ADCY10: variants seen among roughly 807,000 people sequenced by gnomAD.
ADCY10 encodes the protein adenylate cyclase 10.
Under a neutral mutation model 183.3 loss-of-function variants are expected in ADCY10, and 156 were observed. The observed-to-expected ratio is 0.85, with a 90% CI of 0.75 to 0.97. The LOEUF is 0.97. Among genes scored for constraint, ADCY10 ranks in the 50% least tolerant of loss-of-function variants. ADCY10 has a pLI of 0.00. For synonymous variants in ADCY10, 645 were observed against 670.0 expected (o/e 0.96, Z 0.58); for missense variants, 1,745 against 1,934.3 (o/e 0.90, Z 1.84).
Position 167,897,502 on chromosome 1 carries a change from A to T in ADCY10, c.643-811T>A, listed in dbSNP as rs558068176. 7.9e-4 allele frequency among the ~76,000 whole-genome samples: 103 copies of T among 130,154 alleles called. 3 individuals are homozygous for T. Among genetic ancestry groups the T allele is most frequent in the African/African-American group, 2.6e-3 (78 of 30,426 alleles). 85.4% of individuals were successfully genotyped at this position (130,154 alleles called of 152,430 possible). On this transcript the variant is annotated intron_variant, in intron 6 of 32. Transcript: ENST00000367851. Reference sequence around the variant, plus strand: ...ACAGAGTAAGATTCCATCTCAAAAAAAAATATATATATATGTATATATATA... The same window carrying T: ...ACAGAGTAAGATTCCATCTCAAAAATAAATATATATATATGTATATATATA...
Position 167,834,194 on chromosome 1 carries a change from C to T in ADCY10, c.3310-117G>A, listed in dbSNP as rs12069151. ...ATGCAGGAGCCATTTCAGTTACCAC[C>T]TCCACTTCCATCCCCAGCTCCACTG... On this transcript the variant is annotated intron_variant, in intron 23 of 32. Coordinates refer to ENST00000367851, the MANE Select transcript of ADCY10 (RefSeq NM_018417.6). 0.065 allele frequency: 49,336 copies of T among 761,206 alleles called. 2,072 individuals carry two copies. The highest frequency in any genetic ancestry group is 0.14 in the South Asian group (9,318 of 68,404). 47.2% of individuals were successfully genotyped at this position (761,206 alleles called of 1,614,324 possible).
Position 167,845,872 on chromosome 1 carries a change from GT to G in ADCY10, c.2717-20del, listed in dbSNP as rs765994664. The G allele has an allele frequency of 2.0e-5, 33 of 1,613,934 alleles. No individual in the cohort carries two copies. The highest frequency in any genetic ancestry group is 2.6e-5 in the Non-Finnish European group (31 of 1,180,030). On this transcript the variant is annotated intron_variant, in intron 20 of 32. Coordinates refer to ENST00000367851, the MANE Select transcript of ADCY10 (RefSeq NM_018417.6). ...CCGTGATCTGGAGAGAGCAAAAAGG[GT>G]TTTTCAGCCAGGCAGTGGGCAACAG...
intron 1 of ADCY10, among the ~76,000 whole-genome samples, chr1:167,911,995 C>G (rs1162875434): frequency 3.3e-5 from 5 of 152,142 alleles, no homozygotes; most frequent in African/African-American, 4.8e-5. Context: ...AAATAAATAT[C>G]TGGGAGTTTC....
rs79690448 is a variant in ADCY10 at position 167,885,446 on chromosome 1, C to T, written c.829-1818G>A. Among the ~76,000 whole-genome samples the T allele has an allele frequency of 4.7e-3, 717 of 152,192 alleles. 9 individuals carry two copies. In the East Asian group the frequency reaches 0.059, roughly 12 times the overall value. ...TCCCTTTTTTCCACATCCTGTCCAGCGTTTGTTATTGCCTGTCTTTTGGAT... is the reference window on the plus strand; with the variant it reads ...TCCCTTTTTTCCACATCCTGTCCAGTGTTTGTTATTGCCTGTCTTTTGGAT... On this transcript the variant is annotated intron_variant, in intron 8 of 32. Transcript: ENST00000367851.
In ADCY10 at chr1:167,878,636, CTA is replaced by C; in HGVS notation, c.1217-3_1217-2del. The C allele has an allele frequency of 6.2e-7, 1 of 1,613,734 alleles. No individual in the cohort carries two copies. The highest frequency in any genetic ancestry group is 1.7e-4 in the Middle Eastern group (1 of 5,924). On this transcript the variant is annotated splice_acceptor_variant and splice_polypyrimidine_tract_variant and intron_variant, in intron 11 of 32. Transcript: ENST00000367851. LOFTEE classifies it high-confidence loss of function. Reference sequence around the variant, plus strand: ...GCTAAGTTGACTTTTTGACCAATGACTATAGCAAGAAAGAGAAAGTCAAAGAT... The same window carrying C: ...GCTAAGTTGACTTTTTGACCAATGACTAGCAAGAAAGAGAAAGTCAAAGAT...
chr1:167,870,531 T>G (rs1311157589), intron 13 of ADCY10, 121 bp from the exon 14 acceptor site: 1 of 856,246 alleles, frequency 1.2e-6, no homozygotes, highest in Non-Finnish European at 1.8e-6. Context: ...TGTGGCTCAC[T>G]CCTGTAATCC....
At chr1:167,829,639 G>A (rs1396479969) in intron 25 of ADCY10, among the ~76,000 whole-genome samples, 2 of 152,162 alleles carry the variant, frequency 1.3e-5, no homozygotes, top group African/African-American at 4.8e-5. Context: ...ACTTTATAAT[G>A]ATTAAGATAA....
chr1:167,866,820 T>C (rs1006525107), intron 14 of ADCY10, among the ~76,000 whole-genome samples: 1 of 150,542 alleles, frequency 6.6e-6, no homozygotes, highest in Admixed American at 6.6e-5. Flanking sequence ...ACCCAGACTG[T>C]AGGGCTCTGG....
chr1:167,900,780 C>T (rs558966604), intron 5 of ADCY10, among the ~76,000 whole-genome samples: 2 of 152,186 alleles, frequency 1.3e-5, no homozygotes, highest in Non-Finnish European at 2.9e-5. Context: ...GATCCACCCA[C>T]CTTGGCCTCC....
At chr1:167,826,673 G>A (rs963673966) in intron 26 of ADCY10, among the ~76,000 whole-genome samples, 2 of 152,220 alleles carry the variant, frequency 1.3e-5, no homozygotes, top group African/African-American at 4.8e-5. Context: ...ATGTGAACAA[G>A]ACAGCTGAAG....
chr1:167,899,347 G>T, intron 6 of ADCY10, 76 bp downstream of exon 6: 2 of 1,423,122 alleles, frequency 1.4e-6, no homozygotes, highest in Non-Finnish European at 9.9e-7. Flanking sequence ...AAACCAGCGT[G>T]CCCAGTGACT....
At chr1:167,851,876 AT>A (rs1314667538) in intron 18 of ADCY10, among the ~76,000 whole-genome samples, 4 of 152,082 alleles carry the variant, frequency 2.6e-5, no homozygotes, top group Admixed American at 1.3e-4. Flanking sequence ...CCATATCCCA[AT>A]TTTGTGAATT....
intron 19 of ADCY10, among the ~76,000 whole-genome samples, chr1:167,846,551 AGT>A (rs1322213222): frequency 6.6e-6 from 1 of 152,156 alleles, no homozygotes; most frequent in Non-Finnish European, 1.5e-5. Flanking sequence ...AAGTGTGACA[AGT>A]GTGTGTGAGG....
intron 9 of ADCY10, among the ~76,000 whole-genome samples, chr1:167,882,138 A>G (rs1667905473): frequency 1.3e-5 from 2 of 152,350 alleles, no homozygotes; most frequent in African/African-American, 4.8e-5. Context: ...CAATTCTCAC[A>G]TATGCATCTG....
At chr1:167,890,889 A>C (rs1668538942) in intron 8 of ADCY10, among the ~76,000 whole-genome samples, 1 of 152,202 alleles carries the variant, frequency 6.6e-6, no homozygotes, top group African/African-American at 2.4e-5. Flanking sequence ...AGCTTTCCCA[A>C]GGTCACATAA....
intron 1 of ADCY10, among the ~76,000 whole-genome samples, chr1:167,907,117 C>T (rs911341655): frequency 1.3e-5 from 2 of 152,166 alleles, no homozygotes; most frequent in African/African-American, 4.8e-5. Context: ...CATATATCTA[C>T]AGATACTGAA....
chr1:167,824,318 G>C (rs1663117294), intron 28 of ADCY10, among the ~76,000 whole-genome samples, 158 bp downstream of exon 28: 1 of 152,050 alleles, frequency 6.6e-6, no homozygotes, highest in Admixed American at 6.6e-5. Flanking sequence ...GCAAGACTCT[G>C]TCTGAAAAAA....
chr1:167,866,016 G>A lies in ADCY10; in HGVS notation c.1616+4241C>T, dbSNP rs111755474. On this transcript the variant is annotated intron_variant, in intron 14 of 32. Coordinates refer to ENST00000367851, the MANE Select transcript of ADCY10 (RefSeq NM_018417.6). ...TTCACTTCATGTCTCTCACCACAGA[G>A]AGGAAACTTAGGATTCCTTGGAGAC... Among the ~76,000 whole-genome samples, 697 of 152,350 alleles carry A rather than the reference G, an allele frequency of 4.6e-3. 5 individuals are homozygous for A. Among genetic ancestry groups the A allele is most frequent in the Non-Finnish European group, 7.1e-3 (484 of 68,038 alleles).
At chr1:167,880,241 C>T (rs764288065) in intron 10 of ADCY10, 50 bp from the exon 11 acceptor site, 16 of 1,496,124 alleles carry the variant, frequency 1.1e-5, no homozygotes, top group Admixed American at 5.3e-5. Context: ...AGATAATGAG[C>T]GTAGAGAAAG....
Sources: gnomAD v4.1 joint callset for allele counts (sites outside exome capture counted in the v4.1 genomes callset) on GRCh38, gnomAD v4.1.1 for gene constraint, MANE v1.5 for transcripts, NCBI Gene and HGNC (gene_info 2026-07-23, HGNC 2026-07-21) for gene names.